DOCK2: variants seen among roughly 807,000 people sequenced by gnomAD.
The protein encoded by DOCK2 is dedicator of cytokinesis protein 2.
Under a neutral mutation model 248.9 loss-of-function variants are expected in DOCK2, and 87 were observed. That is an observed-to-expected ratio of 0.35 (90% CI 0.29 to 0.42). DOCK2 has a LOEUF of 0.42. Ranked by LOEUF, DOCK2 falls within the 10% of genes least tolerant of loss-of-function variation. DOCK2 has a pLI of 1.00. For missense variants in DOCK2, 1,747 were observed against 2,300.2 expected (o/e 0.76, Z 4.92); for synonymous variants, 805 against 821.6 (o/e 0.98, Z 0.35).
chr5:170,006,640 G>T (rs990195008), intron 30 of DOCK2, among the ~76,000 whole-genome samples: 13 of 152,122 alleles, frequency 8.5e-5, no homozygotes, highest in African/African-American at 3.1e-4. Flanking sequence ...AGAGCAGTTT[G>T]TTTTTTTGGG....
intron 1 of DOCK2, among the ~76,000 whole-genome samples, chr5:169,639,943 C>A (rs150106853): frequency 6.6e-6 from 1 of 152,232 alleles, no homozygotes; most frequent in Non-Finnish European, 1.5e-5. Context: ...GGCTGGAAGT[C>A]TAAGATCAAA....
chr5:169,668,212 G>C (rs1454382150), intron 2 of DOCK2, among the ~76,000 whole-genome samples: 1 of 152,118 alleles, frequency 6.6e-6, no homozygotes, highest in African/African-American at 2.4e-5. Flanking sequence ...TATATAAAGA[G>C]TGCTTAGAAT....
rs569686870 is a variant in DOCK2 at position 170,035,109 on chromosome 5, C to A, written c.3624+554C>A. ...GAACCAGGTTAACCAGAGAAGCTAACCCCAGACCCAAGTTCTTAACCCCTA... is the reference window on the plus strand; with the variant it reads ...GAACCAGGTTAACCAGAGAAGCTAAACCCAGACCCAAGTTCTTAACCCCTA... On this transcript the variant is annotated intron_variant, in intron 35 of 51. Transcript: ENST00000520908. Among the ~76,000 whole-genome samples the A allele has an allele frequency of 2.0e-5, 3 of 152,294 alleles. No individual in the cohort carries two copies. The East Asian group carries it at 5.8e-4, about 29-fold the overall frequency.
In DOCK2 at chr5:169,792,254, A is replaced by G. The variant is rs575753023; in HGVS notation, c.2555-10804A>G. ...GAAATGGTGTCAAAGGATGTGAGAC[A>G]CAGATCTTCATAGTCACAACGTTAC... On this transcript the variant is annotated intron_variant, in intron 25 of 51. Coordinates refer to ENST00000520908, the MANE Select transcript of DOCK2 (RefSeq NM_004946.3). 2.0e-5 allele frequency among the ~76,000 whole-genome samples: 3 copies of G among 152,308 alleles called. No homozygotes were observed. The East Asian group carries it at 5.8e-4, about 29-fold the overall frequency.
In DOCK2 at chr5:170,036,509, A is replaced by G; in HGVS notation, c.3625-6A>G. ...CACTCATCATTGTTTTTCCTCCCCTACCTAGAATTTCTACAAAGATAACAA... is the reference window on the plus strand; with the variant it reads ...CACTCATCATTGTTTTTCCTCCCCTGCCTAGAATTTCTACAAAGATAACAA... On this transcript the variant is annotated splice_region_variant and splice_polypyrimidine_tract_variant and intron_variant, in intron 35 of 51. Transcript: ENST00000520908. 2 of 1,612,788 alleles carry G rather than the reference A, an allele frequency of 1.2e-6. No homozygotes were observed. The highest frequency in any genetic ancestry group is 1.7e-6 in the Non-Finnish European group (2 of 1,179,400).
chr5:169,882,292 C>T (rs370887950), intron 27 of DOCK2, among the ~76,000 whole-genome samples: 1 of 152,280 alleles, frequency 6.6e-6, no homozygotes, highest in East Asian at 1.9e-4. Context: ...TCTTACTGCT[C>T]CATTGCTGCC....
chr5:170,009,767 C>T (rs530155688), intron 32 of DOCK2, among the ~76,000 whole-genome samples: 209 of 152,284 alleles, frequency 1.4e-3, no homozygotes, highest in Admixed American at 3.4e-3. Context: ...CCCCTTCCAG[C>T]GAGTTCTATC....
chr5:170,028,210 A>G (rs1231894042), intron 34 of DOCK2, among the ~76,000 whole-genome samples: 2 of 152,194 alleles, frequency 1.3e-5, no homozygotes, highest in African/African-American at 4.8e-5. Flanking sequence ...CAAAATGTCT[A>G]CTTTCATTAC....
At chr5:170,049,372 C>A (rs1756833227) in intron 40 of DOCK2, among the ~76,000 whole-genome samples, 1 of 152,214 alleles carries the variant, frequency 6.6e-6, no homozygotes, top group Non-Finnish European at 1.5e-5. Flanking sequence ...CTCGGCCTCC[C>A]AAAGTGCTGG....
intron 32 of DOCK2, among the ~76,000 whole-genome samples, chr5:170,012,668 A>G (rs193058160): frequency 1.1e-3 from 163 of 152,342 alleles, no homozygotes; most frequent in African/African-American, 3.8e-3. Context: ...GGTTAATGGC[A>G]TTTGTTGTTT....
chr5:169,948,866 C>T (rs969778461), intron 27 of DOCK2, among the ~76,000 whole-genome samples: 2 of 152,092 alleles, frequency 1.3e-5, no homozygotes, highest in Non-Finnish European at 2.9e-5. Flanking sequence ...TGACTGGCAC[C>T]TGGTCATTCG....
intron 13 of DOCK2, 118 bp from the exon 14 acceptor site, chr5:169,702,185 T>G: frequency 7.7e-7 from 1 of 1,301,286 alleles, no homozygotes; most frequent in Non-Finnish European, 1.0e-6. Flanking sequence ...AATTCTGATT[T>G]TAATTAATAC....
chr5:170,071,806 A>AC (rs1757690041), intron 46 of DOCK2, among the ~76,000 whole-genome samples: 1 of 152,226 alleles, frequency 6.6e-6, no homozygotes, highest in Non-Finnish European at 1.5e-5. Flanking sequence ...CTCATTCTTA[A>AC]ACACTATAGT....
At chr5:169,822,223 A>G (rs1211660615) in intron 26 of DOCK2, among the ~76,000 whole-genome samples, 1 of 152,256 alleles carries the variant, frequency 6.6e-6, no homozygotes, top group South Asian at 2.1e-4. Context: ...ACAGAAAGTT[A>G]ACAAGGATAT....
chr5:169,827,751 A>C (rs1486129339), intron 26 of DOCK2, among the ~76,000 whole-genome samples: 2 of 152,230 alleles, frequency 1.3e-5, no homozygotes, highest in Admixed American at 6.5e-5. Context: ...GATTTAGTGG[A>C]GGAAAAGGGA....
At chr5:169,809,249 C>G (rs1016829280) in intron 26 of DOCK2, among the ~76,000 whole-genome samples, 13 of 152,194 alleles carry the variant, frequency 8.5e-5, no homozygotes, top group Non-Finnish European at 2.9e-5. Context: ...CCTCCACCTC[C>G]CAAAGTGCTG....
At chr5:169,880,016 T>C (rs1217365374) in intron 27 of DOCK2, among the ~76,000 whole-genome samples, 4 of 152,210 alleles carry the variant, frequency 2.6e-5, no homozygotes, top group African/African-American at 7.2e-5. Context: ...TGTCTAGACA[T>C]TTAATAATTT....
At chr5:169,863,594 G>A (rs891640650) in intron 27 of DOCK2, among the ~76,000 whole-genome samples, 9 of 152,206 alleles carry the variant, frequency 5.9e-5, no homozygotes, top group Non-Finnish European at 1.0e-4. Flanking sequence ...ATCCAGCACA[G>A]CCACACCAAC....
chr5:169,718,957 C>A (rs1762050626), intron 22 of DOCK2, among the ~76,000 whole-genome samples, 166 bp downstream of exon 22: 1 of 152,046 alleles, frequency 6.6e-6, no homozygotes, highest in Non-Finnish European at 1.5e-5. Flanking sequence ...ATAATTGTAC[C>A]CTCTAAGTTC....
Sources: gnomAD v4.1 joint callset for allele counts (sites outside exome capture counted in the v4.1 genomes callset) on GRCh38, gnomAD v4.1.1 for gene constraint, MANE v1.5 for transcripts, NCBI Gene and HGNC (gene_info 2026-07-23, HGNC 2026-07-21) for gene names.